KRT73: variants seen among roughly 807,000 people sequenced by gnomAD.
The protein encoded by KRT73 is keratin, type II cytoskeletal 73.
A neutral mutation model predicts 47.2 loss-of-function variants in KRT73; 44 were observed. The observed-to-expected ratio is 0.93, with a 90% CI of 0.73 to 1.20. KRT73 has a LOEUF of 1.20. KRT73 is among the 50% of genes most tolerant of loss of function. The pLI is 0.00. For synonymous variants in KRT73, 285 were observed against 291.3 expected, an observed-to-expected ratio of 0.98 and a Z score of 0.22; for missense variants, 713 against 704.5, an observed-to-expected ratio of 1.01 and a Z score of -0.14.
rs1940852996 is a variant in KRT73, at chr12:52,618,318, T to C, written c.207A>G (p.Gly69=). The C allele has an allele frequency of 6.2e-7, 1 of 1,614,072 alleles. No homozygotes were observed. Among genetic ancestry groups the C allele is most frequent in the African/African-American group, 1.3e-5 (1 of 75,018 alleles). Residue 69 remains glycine (G), a synonymous_variant, in exon 1 of 9, where the codon GGA becomes GGG. Transcript: ENST00000305748. Reference sequence around the variant, plus strand: ...CCCGGCCCCGGCCAAATCCATAGCCTCCTGCCCACCCACTGCCACTGGCCA... The same window carrying C: ...CCCGGCCCCGGCCAAATCCATAGCCCCCTGCCCACCCACTGCCACTGGCCA... The part of the protein sequence containing the change: ...FNVASGSGWA[G]GYGFGRGRAS...
chr12:52,628,413 T>G, the KRT73 span, among the ~76,000 whole-genome samples: 5 of 152,104 alleles, frequency 3.3e-5, no homozygotes, highest in African/African-American at 9.6e-5. Flanking sequence ...CTCCCTTTTG[T>G]GGCCACCCAG....
rs1203322145 is a variant in KRT73 at position 52,616,188 on chromosome 12, C to G, written c.640G>C (p.Val214Leu). ...CACCTCTTCTTGTAGTCCTCCACCA[C>G]TTCGCGCACGCTCCTCAGCTCCGAG... ...LDSELRSVRE[V>L]VEDYKKRYEE... The change falls in exon 2 of 9, where the codon GTG becomes CTG. Residue 214 changes from valine to leucine, a missense_variant. Physicochemically the swap from Val to Leu is conservative, Grantham distance 32 (BLOSUM62 1). Transcript: ENST00000305748. 2 of 1,614,020 alleles carry G rather than the reference C, an allele frequency of 1.2e-6. No individual in the cohort carries two copies. Among genetic ancestry groups the G allele is most frequent in the African/African-American group, 2.7e-5 (2 of 74,932 alleles).
Position 52,616,379 on chromosome 12 carries a change from A to G in KRT73, c.449T>C (p.Val150Ala). 6.2e-7 allele frequency: 1 copy of G among 1,614,092 alleles called. No homozygotes were observed. The highest frequency in any genetic ancestry group is 8.5e-7 in the Non-Finnish European group (1 of 1,179,998). The part of the protein sequence containing the change: ...NNKFASFIDK[V>A]RFLEQQNQVL... ...CTGGTTCTGCTGCTCCAGGAACCGC[A>G]CCTGGAACCCATGCCACACATACTT... The change falls in exon 2 of 9, where the codon GTG (valine) becomes GCG (alanine). Residue 150 changes from valine (V) to alanine (A), a missense_variant and splice_region_variant. Transcript: ENST00000305748.
chr12:52,608,575 C>T, intron 8 of KRT73, 123 bp from the exon 9 acceptor site: 1 of 842,962 alleles, frequency 1.2e-6, no homozygotes, highest in Non-Finnish European at 1.8e-6. Context: ...CACTTCCCAT[C>T]AACCATGAAC....
upstream of KRT73, among the ~76,000 whole-genome samples, chr12:52,620,351 G>A (rs1026599464): frequency 1.3e-5 from 2 of 151,964 alleles, no homozygotes; most frequent in Non-Finnish European, 2.9e-5. Context: ...TGATCTGCCC[G>A]CCTCAGTCTC....
the KRT73 span, among the ~76,000 whole-genome samples, chr12:52,628,779 G>A: frequency 3.3e-5 from 5 of 152,146 alleles, no homozygotes; most frequent in African/African-American, 1.2e-4. Context: ...GCATTTGGAT[G>A]CATGAGGGAG....
At chr12:52,613,620 G>A in intron 5 of KRT73, 68 bp downstream of exon 5, 1 of 1,590,434 alleles carries the variant, frequency 6.3e-7, no homozygotes, top group African/African-American at 1.3e-5. Flanking sequence ...TGAGTCATGG[G>A]GCAGACAAGA....
upstream of KRT73, among the ~76,000 whole-genome samples, chr12:52,618,788 G>A (rs951683127): frequency 1.3e-5 from 2 of 152,334 alleles, no homozygotes; most frequent in African/African-American, 4.8e-5. Flanking sequence ...TGTGTAATTA[G>A]CATGGGCACA....
intron 1 of KRT73, among the ~76,000 whole-genome samples, chr12:52,616,683 T>G (rs889182234): frequency 5.9e-5 from 9 of 152,262 alleles, no homozygotes; most frequent in African/African-American, 1.7e-4. Flanking sequence ...CCTGGACCGA[T>G]GTCCATGTTC....
chr12:52,623,798 T>C, the KRT73 span, among the ~76,000 whole-genome samples: 2 of 152,014 alleles, frequency 1.3e-5, no homozygotes, highest in Non-Finnish European at 2.9e-5. Context: ...AATAAAATAC[T>C]CAGCAGCACT....
upstream of KRT73, among the ~76,000 whole-genome samples, chr12:52,619,297 T>C (rs1940867588): frequency 6.6e-6 from 1 of 152,232 alleles, no homozygotes; most frequent in Non-Finnish European, 1.5e-5. Flanking sequence ...CTTTACAGTG[T>C]AACAGAGCTC....
intron 7 of KRT73, among the ~76,000 whole-genome samples, 170 bp from the exon 8 acceptor site, chr12:52,609,451 G>A (rs1230674383): frequency 3.3e-5 from 5 of 151,992 alleles, no homozygotes; most frequent in Non-Finnish European, 5.9e-5. Context: ...CCTCCCTCTC[G>A]CTCCTCAATC....
At chr12:52,622,193 A>G (rs1940918361), upstream of KRT73, among the ~76,000 whole-genome samples, 2 of 152,270 alleles carry the variant, frequency 1.3e-5, no homozygotes, top group Non-Finnish European at 2.9e-5. Context: ...AAATTATCTG[A>G]CAAAGATTTC....
chr12:52,618,690 A>G (rs1940861499), upstream of KRT73: 3 of 660,542 alleles, frequency 4.5e-6, no homozygotes, highest in Admixed American at 6.4e-5. Context: ...TCCCAGCAAA[A>G]TCAGACACCA....
At chr12:52,614,367 G>A (rs989130394) in intron 4 of KRT73, 10 of 504,462 alleles carry the variant, frequency 2.0e-5, no homozygotes, top group South Asian at 3.1e-5. Flanking sequence ...CTGTTTTCCT[G>A]GAGGAAGTGA....
chr12:52,608,121 A>G lies in KRT73; in HGVS notation c.*75T>C, dbSNP rs1457948483. On this transcript the variant is annotated 3_prime_UTR_variant, in exon 9 of 9. Transcript: ENST00000305748. ...AAGGAGATGAGGACAAATGAGACAG[A>G]GGAATTTCCTAGAAGAGTCCGGAGC... 2.0e-6 allele frequency: 3 copies of G among 1,473,664 alleles called. No individual in the cohort carries two copies. The highest frequency in any genetic ancestry group is 2.8e-6 in the Non-Finnish European group (3 of 1,089,720). 91.3% of individuals were successfully genotyped at this position (1,473,664 alleles called of 1,614,324 possible). A position where few individuals can be genotyped will look rare whatever the true frequency, so the allele number is the denominator to read the frequency against.
In KRT73 at chr12:52,608,451, C is replaced by T. The variant is rs377762944; in HGVS notation, c.1368G>A (p.Ser456=). Residue 456 remains serine, a splice_region_variant and synonymous_variant, in exon 9 of 9, where the codon TCG becomes TCA. Transcript: ENST00000305748. ...TCCCGGCCATGGAGCTGTTGATGAC[C>T]GCTGCAGAGGAGGGAGGGACGAGTG... is the stretch of plus-strand genomic sequence containing the variant. ...SGEYTNSVSI[S]VINSSMAGMA... is the part of the protein sequence containing the mutation. 67 of 1,607,584 alleles carry T rather than the reference C, an allele frequency of 4.2e-5. No individual in the cohort carries two copies. Among genetic ancestry groups the T allele is most frequent in the East Asian group, 6.7e-5 (3 of 44,878 alleles).
intron 3 of KRT73, 94 bp downstream of exon 3, chr12:52,615,185 C>G (rs891048197): frequency 9.4e-7 from 1 of 1,064,444 alleles, no homozygotes; most frequent in Admixed American, 2.1e-5. Context: ...TGGCTCCAGG[C>G]CCTTCTGCGG....
intron 8 of KRT73, 70 bp downstream of exon 8, chr12:52,609,177 G>T: frequency 1.5e-6 from 2 of 1,374,466 alleles, no homozygotes; most frequent in Non-Finnish European, 2.1e-6. Flanking sequence ...GGGGCTGGGC[G>T]GTGGACACCC....
Sources: gnomAD v4.1 joint callset for allele counts (sites outside exome capture counted in the v4.1 genomes callset) on GRCh38, gnomAD v4.1.1 for gene constraint, MANE v1.5 for transcripts, NCBI Gene and HGNC (gene_info 2026-07-23, HGNC 2026-07-21) for gene names.